AVEN: variants seen among roughly 807,000 people sequenced by gnomAD.
The protein encoded by AVEN is apoptosis and caspase activation inhibitor.
Under a neutral mutation model 38.1 loss-of-function variants are expected in AVEN, and 41 were observed. The ratio of observed to expected loss-of-function variants is 1.08; its 90% confidence interval spans 0.84 to 1.40. The LOEUF (loss-of-function observed/expected upper bound fraction) is 1.40, where lower values mean the gene tolerates loss of function less well. Ranked by LOEUF, AVEN falls within the 40% of genes most tolerant of loss-of-function variation. The probability of loss-of-function intolerance (pLI) is 0.00; values close to 1 mark genes in which losing one functional copy is unlikely to be tolerated. For missense variants in AVEN, 605 were observed against 438.8 expected (o/e 1.38, Z -3.38); for synonymous variants, 206 against 171.8 (o/e 1.20, Z -1.56).
intron 2 of AVEN, among the ~76,000 whole-genome samples, chr15:33,931,184 T>G (rs1407213046): frequency 6.6e-6 from 1 of 152,064 alleles, no homozygotes; most frequent in Non-Finnish European, 1.5e-5. Context: ...CATGCTCCCT[T>G]GTTAAGAAAG....
At chr15:33,983,170 G>GTGTGTA (rs796742277) in intron 2 of AVEN, among the ~76,000 whole-genome samples, 2,108 of 126,600 alleles carry the variant, frequency 0.017, 78 homozygotes, top group African/African-American at 0.055. Flanking sequence ...ATGTGTGTGT[G>GTGTGTA]TATATATACA....
At chr15:33,880,036 G>A (rs948122035) in intron 2 of AVEN, among the ~76,000 whole-genome samples, 11 of 152,080 alleles carry the variant, frequency 7.2e-5, no homozygotes, top group African/African-American at 2.7e-4. Context: ...AGCACCTGAA[G>A]GTAGATTTTG....
intron 1 of AVEN, among the ~76,000 whole-genome samples, chr15:34,004,186 T>TA (rs1897243336): frequency 1.3e-5 from 2 of 152,356 alleles, no homozygotes; most frequent in East Asian, 1.9e-4. Flanking sequence ...AGCTTGGGTA[T>TA]AAAAAAGTTC....
chr15:33,862,142 A>AAAAT (rs1208869127), downstream of AVEN, among the ~76,000 whole-genome samples: 10 of 152,184 alleles, frequency 6.6e-5, no homozygotes, highest in East Asian at 1.9e-3. Flanking sequence ...TACAAGAAAA[A>AAAAT]AAATAAAATG....
intron 2 of AVEN, among the ~76,000 whole-genome samples, chr15:33,940,281 A>T (rs1894262914): frequency 6.6e-6 from 1 of 152,266 alleles, no homozygotes; most frequent in African/African-American, 2.4e-5. Flanking sequence ...TTAAAAAATC[A>T]TTAAGGCAGC....
At chr15:33,948,435 G>A (rs1293527793) in intron 2 of AVEN, among the ~76,000 whole-genome samples, 4 of 151,856 alleles carry the variant, frequency 2.6e-5, no homozygotes, top group Non-Finnish European at 5.9e-5. Flanking sequence ...ATATCTAAGT[G>A]TCTAAAGATC....
chr15:34,017,320 CCT>C (rs1567469447), intron 1 of AVEN, among the ~76,000 whole-genome samples: 1 of 151,992 alleles, frequency 6.6e-6, no homozygotes, highest in Non-Finnish European at 1.5e-5. Context: ...AGATCTCATC[CCT>C]GTTCCATAAA....
At chr15:33,998,110 A>G (rs2048039267) in intron 2 of AVEN, among the ~76,000 whole-genome samples, 1 of 152,044 alleles carries the variant, frequency 6.6e-6, no homozygotes, top group African/African-American at 2.4e-5. Context: ...CCATCTACCC[A>G]TATCTATGCC....
chr15:33,967,547 T>C lies in AVEN; in HGVS notation c.445+35485A>G, dbSNP rs534598965. Among the ~76,000 whole-genome samples, 20 of 152,196 alleles carry C rather than the reference T, an allele frequency of 1.3e-4. No homozygotes were observed. The East Asian group carries it at 3.3e-3, about 25-fold the overall frequency. On this transcript the variant is annotated intron_variant, in intron 2 of 5. Transcript: ENST00000306730. ...TTGGTAATGAGTTTCTGGAGGTTCA[T>C]GTATTATTTTTGTATTATTTTTCAG...
At chr15:33,921,849 GTC>G (rs1893406448) in intron 2 of AVEN, among the ~76,000 whole-genome samples, 1 of 152,106 alleles carries the variant, frequency 6.6e-6, no homozygotes, top group Admixed American at 6.5e-5. Flanking sequence ...TTATTGTCTT[GTC>G]TCTGCTCAGG....
chr15:34,016,699 C>CA (rs1192934080), intron 1 of AVEN, among the ~76,000 whole-genome samples: 2 of 152,186 alleles, frequency 1.3e-5, no homozygotes, highest in Non-Finnish European at 2.9e-5. Context: ...ATTAAATACT[C>CA]AGAGAATTCC....
chr15:33,882,704 T>C (rs1221939523), intron 2 of AVEN, among the ~76,000 whole-genome samples: 2 of 151,900 alleles, frequency 1.3e-5, no homozygotes, highest in Non-Finnish European at 2.9e-5. Flanking sequence ...TCATCTCTAT[T>C]TAAAAAAAAT....
At chr15:33,889,272 A>T (rs1250261967) in intron 2 of AVEN, among the ~76,000 whole-genome samples, 3 of 152,204 alleles carry the variant, frequency 2.0e-5, no homozygotes, top group Non-Finnish European at 4.4e-5. Flanking sequence ...CTAAAACCAC[A>T]TTATTCAAAT....
intron 4 of AVEN, 26 bp downstream of exon 4, chr15:33,870,909 C>A: frequency 6.3e-7 from 1 of 1,580,678 alleles, no homozygotes; most frequent in African/African-American, 1.3e-5. Context: ...AATCCACCCG[C>A]TTCAAGAGGG....
At chr15:33,875,117 T>A (rs1014844062) in intron 3 of AVEN, among the ~76,000 whole-genome samples, 1 of 151,986 alleles carries the variant, frequency 6.6e-6, no homozygotes, top group Non-Finnish European at 1.5e-5. Flanking sequence ...AGCCCACAGA[T>A]CAAACGAGCC....
At chr15:33,998,821 T>C (rs185717090) in intron 2 of AVEN, among the ~76,000 whole-genome samples, 1 of 152,310 alleles carries the variant, frequency 6.6e-6, no homozygotes, top group Admixed American at 6.5e-5. Context: ...GTCTCTTCTC[T>C]TTCCCCTAAA....
chr15:34,016,111 T>C (rs1250944051), intron 1 of AVEN, among the ~76,000 whole-genome samples: 1 of 152,154 alleles, frequency 6.6e-6, no homozygotes, highest in Non-Finnish European at 1.5e-5. Flanking sequence ...ACCCCGTCTC[T>C]ACTAAAAATA....
chr15:34,040,895 G>A (rs556758212), upstream of AVEN, among the ~76,000 whole-genome samples: 9 of 88,266 alleles, frequency 1.0e-4, no homozygotes, highest in African/African-American at 2.9e-4. Flanking sequence ...GAAGGAGACT[G>A]TCTAAAAAAA....
chr15:34,061,907 A>T (rs1900345721), intron 5 of AVEN, among the ~76,000 whole-genome samples: 1 of 152,222 alleles, frequency 6.6e-6, no homozygotes. Flanking sequence ...TATAGAATAG[A>T]TACCACTTTT....
Sources: allele counts gnomAD v4.1 joint callset (sites outside exome capture counted in the v4.1 genomes callset), GRCh38; gene constraint gnomAD v4.1.1; transcripts MANE v1.5; gene names NCBI Gene and HGNC (gene_info 2026-07-23, HGNC 2026-07-21).